Variants in PLCL1 observed in about 807,000 individuals in gnomAD.
PLCL1 encodes the protein inactive phospholipase C-like protein 1.
In PLCL1, 41 loss-of-function variants were observed where a neutral mutation model predicts 84.4. That is an observed-to-expected ratio of 0.49 (90% CI 0.38 to 0.63). PLCL1 has a LOEUF of 0.63. Ranked by LOEUF, PLCL1 falls within the 30% of genes least tolerant of loss-of-function variation. The pLI, the probability that PLCL1 is intolerant of heterozygous loss-of-function variation, is 0.00. For synonymous variants in PLCL1, 490 were observed against 488.3 expected, an observed-to-expected ratio of 1.00 and a Z score of -0.05; for missense variants, 1,206 against 1,367.8, an observed-to-expected ratio of 0.88 and a Z score of 1.87.
At chr2:197,867,144 G>T (rs1292400634) in intron 1 of PLCL1, among the ~76,000 whole-genome samples, 2 of 152,154 alleles carry the variant, frequency 1.3e-5, no homozygotes, top group Admixed American at 6.6e-5. Flanking sequence ...CATTGCTTTG[G>T]ATTTGCTGTA....
intron 2 of PLCL1, among the ~76,000 whole-genome samples, chr2:198,087,470 T>G (rs1574302416): frequency 6.6e-6 from 1 of 152,190 alleles, no homozygotes; most frequent in Non-Finnish European, 1.5e-5. Flanking sequence ...ATTCACTTTA[T>G]TTCTTTAGCT....
intron 1 of PLCL1, among the ~76,000 whole-genome samples, chr2:197,817,261 C>T (rs1445431646): frequency 1.3e-5 from 2 of 152,040 alleles, no homozygotes; most frequent in Non-Finnish European, 2.9e-5. Context: ...TTCTCCCAAG[C>T]ATTTGAAACC....
At chr2:197,962,149 A>G (rs531971657) in intron 1 of PLCL1, among the ~76,000 whole-genome samples, 19 of 152,146 alleles carry the variant, frequency 1.2e-4, no homozygotes, top group Non-Finnish European at 2.2e-4. Flanking sequence ...CCCTTTAAAC[A>G]TCTCTAAACA....
intron 1 of PLCL1, among the ~76,000 whole-genome samples, chr2:197,858,963 G>T (rs1028704903): frequency 6.6e-6 from 1 of 152,110 alleles, no homozygotes; most frequent in African/African-American, 2.4e-5. Context: ...TAGTGGACTA[G>T]CTCAGAGCTG....
In PLCL1 at chr2:197,989,702, T is replaced by TCAAAA. The variant is rs534529522; in HGVS notation, c.241-94035_241-94031dup. On this transcript the variant is annotated intron_variant, in intron 1 of 5. Coordinates refer to ENST00000428675, the MANE Select transcript of PLCL1 (RefSeq NM_006226.4). Reference sequence around the variant, plus strand: ...CTGGGCAACAGAGTGAGACTCTGTCTCAAAACAAAACAAAACAAAACAAAA... The same window carrying TCAAAA: ...CTGGGCAACAGAGTGAGACTCTGTCTCAAAACAAAACAAAACAAAACAAAACAAAA... Among the ~76,000 whole-genome samples, 73 of 151,838 alleles carry TCAAAA rather than the reference T, an allele frequency of 4.8e-4. No individual in the cohort carries two copies. The East Asian group carries it at 5.2e-3, about 11-fold the overall frequency.
chr2:198,104,466 T>C (rs1289547894), intron 5 of PLCL1, among the ~76,000 whole-genome samples: 2 of 151,994 alleles, frequency 1.3e-5, no homozygotes, highest in African/African-American at 4.8e-5. Flanking sequence ...GTTGATTCCA[T>C]GCTTTGCTAT....
intron 1 of PLCL1, among the ~76,000 whole-genome samples, chr2:198,064,173 A>G (rs1005002540): frequency 6.6e-6 from 1 of 152,146 alleles, no homozygotes; most frequent in African/African-American, 2.4e-5. Flanking sequence ...AGTTCATATA[A>G]TAATAGTAGG....
At chr2:197,913,378 TA>T (rs1688528645) in intron 1 of PLCL1, among the ~76,000 whole-genome samples, 1 of 152,194 alleles carries the variant, frequency 6.6e-6, no homozygotes, top group Non-Finnish European at 1.5e-5. Context: ...CTTTTTAGCA[TA>T]AAATGCAAGT....
chr2:197,959,398 G>A (rs973217376), intron 1 of PLCL1, among the ~76,000 whole-genome samples: 10 of 152,066 alleles, frequency 6.6e-5, no homozygotes, highest in African/African-American at 2.4e-4. Context: ...CATTGTGGAC[G>A]GTGATCTGCT....
At chr2:197,950,648 A>G (rs1018288263) in intron 1 of PLCL1, among the ~76,000 whole-genome samples, 1 of 152,122 alleles carries the variant, frequency 6.6e-6, no homozygotes, top group African/African-American at 2.4e-5. Context: ...GTCAGCACAC[A>G]TGTTTTTGGA....
chr2:198,006,343 T>C (rs1461317016), intron 1 of PLCL1, among the ~76,000 whole-genome samples: 3 of 152,170 alleles, frequency 2.0e-5, no homozygotes, highest in Non-Finnish European at 4.4e-5. Context: ...AATTAATTTT[T>C]GGTACAATAG....
At chr2:198,130,584 G>A (rs1018764754) in intron 5 of PLCL1, among the ~76,000 whole-genome samples, 4 of 151,952 alleles carry the variant, frequency 2.6e-5, no homozygotes, top group Non-Finnish European at 5.9e-5. Flanking sequence ...CAGCAAGGTC[G>A]GCATGTCTCC....
intron 1 of PLCL1, among the ~76,000 whole-genome samples, chr2:197,834,683 G>A (rs76008220): frequency 0.015 from 2,265 of 152,236 alleles, 64 homozygotes; most frequent in African/African-American, 0.052. Flanking sequence ...AAATAGGAAC[G>A]CTTGTACACT....
chr2:197,981,561 A>G (rs1444153325), intron 1 of PLCL1, among the ~76,000 whole-genome samples: 2 of 152,216 alleles, frequency 1.3e-5, no homozygotes, highest in African/African-American at 4.8e-5. Context: ...TAGGGCAACT[A>G]TGAAAAGATT....
chr2:198,029,951 C>G (rs911110450), intron 1 of PLCL1, among the ~76,000 whole-genome samples: 1 of 151,934 alleles, frequency 6.6e-6, no homozygotes, highest in East Asian at 1.9e-4. Flanking sequence ...CCACCTGCCT[C>G]AGCCTCCCAA....
At chr2:198,055,747 C>T (rs1692055967) in intron 1 of PLCL1, among the ~76,000 whole-genome samples, 2 of 152,072 alleles carry the variant, frequency 1.3e-5, no homozygotes, top group Non-Finnish European at 2.9e-5. Flanking sequence ...TGTATAGCCA[C>T]CTTTACATCT....
Position 198,086,003 on chromosome 2 carries a change from G to A in PLCL1, c.2486G>A (p.Arg829His). 1.9e-6 allele frequency: 3 copies of A among 1,614,040 alleles called. No individual in the cohort carries two copies. Among genetic ancestry groups the A allele is most frequent in the Non-Finnish European group, 2.5e-6 (3 of 1,179,976 alleles). The change falls in exon 2 of 6, where the codon CGT becomes CAT. Residue 829 changes from arginine (R) to histidine (H), a missense_variant. Arg to His is a conservative substitution (Grantham distance 29). Coordinates refer to ENST00000428675, the MANE Select transcript of PLCL1 (RefSeq NM_006226.4). ...CCTGGATATCGGCATGTTCCCCTGC[G>A]TTCTTTTGTGGGTGACATCATGGAG... ...LQPGYRHVPL[R>H]SFVGDIMEHV...
chr2:198,083,921 T>C lies in PLCL1; in HGVS notation c.404T>C (p.Phe135Ser). 2 of 1,614,166 alleles carry C rather than the reference T, an allele frequency of 1.2e-6. No individual in the cohort carries two copies. The highest frequency in any genetic ancestry group is 8.5e-7 in the Non-Finnish European group (1 of 1,180,006). The part of the protein sequence containing the change: ...RPNSRIYNRF[F>S]TLDTDLQALR... ...AATTCTCGCATTTACAACCGTTTTT[T>C]CACTCTGGACACAGACCTTCAAGCT... Residue 135 changes from phenylalanine to serine, a missense_variant, in exon 2 of 6, where the codon TTC becomes TCC. Phe to Ser is a radical substitution (Grantham distance 155). Coordinates refer to ENST00000428675, the MANE Select transcript of PLCL1 (RefSeq NM_006226.4).
At chr2:198,080,638 G>T (rs914073042) in intron 1 of PLCL1, among the ~76,000 whole-genome samples, 1 of 152,168 alleles carries the variant, frequency 6.6e-6, no homozygotes, top group Non-Finnish European at 1.5e-5. Context: ...AGAAATATCA[G>T]ACAACTGAAC....
Sources: gnomAD v4.1 joint callset for allele counts (sites outside exome capture counted in the v4.1 genomes callset) on GRCh38, gnomAD v4.1.1 for gene constraint, MANE v1.5 for transcripts, NCBI Gene and HGNC (gene_info 2026-07-23, HGNC 2026-07-21) for gene names.